The following CTNNA2 variants were observed in gnomAD, a reference collection of about 807,000 sequenced individuals.
CTNNA2 encodes catenin alpha 2.
Under a neutral mutation model 101.0 loss-of-function variants are expected in CTNNA2, and 42 were observed. That is an observed-to-expected ratio of 0.42 (90% CI 0.32 to 0.54). The LOEUF (loss-of-function observed/expected upper bound fraction) is 0.54, where lower values mean the gene tolerates loss of function less well. Ranked by LOEUF, CTNNA2 falls within the 20% of genes least tolerant of loss-of-function variation. CTNNA2 has a pLI of 0.14. For synonymous variants in CTNNA2, 450 were observed against 456.4 expected (o/e 0.99, Z 0.18); for missense variants, 871 against 1,223.1 (o/e 0.71, Z 4.29).
intron 7 of CTNNA2, among the ~76,000 whole-genome samples, chr2:80,004,093 T>C (rs547481666): frequency 1.2e-4 from 19 of 152,272 alleles, no homozygotes; most frequent in African/African-American, 4.6e-4. Context: ...AAATAGAGGC[T>C]AAAATTTTTT....
chr2:79,416,257 CTTTT>C (rs66830925), intron 4 of CTNNA2, among the ~76,000 whole-genome samples: 3 of 94,656 alleles, frequency 3.2e-5, no homozygotes, highest in Non-Finnish European at 4.2e-5. Flanking sequence ...CTTTCCTTTT[CTTTT>C]TTTTTTTTTT....
intron 2 of CTNNA2, among the ~76,000 whole-genome samples, chr2:79,738,392 G>T (rs1671047032): frequency 6.6e-6 from 1 of 152,224 alleles, no homozygotes; most frequent in Non-Finnish European, 1.5e-5. Context: ...TAGGAAGTCT[G>T]CAGAGAGGAG....
intron 4 of CTNNA2, among the ~76,000 whole-genome samples, chr2:79,416,678 G>C (rs1266446017): frequency 2.0e-5 from 3 of 151,858 alleles, no homozygotes; most frequent in Non-Finnish European, 4.4e-5. Flanking sequence ...ATAAACACCT[G>C]GGTTAACAGT....
At chr2:79,808,803 A>G (rs1160153608) in intron 3 of CTNNA2, among the ~76,000 whole-genome samples, 2 of 141,236 alleles carry the variant, frequency 1.4e-5, no homozygotes, top group Admixed American at 7.0e-5. Context: ...TTTTTTTTTT[A>G]TTATACTTTA....
chr2:79,583,813 G>T (rs1309295270), intron 1 of CTNNA2, among the ~76,000 whole-genome samples: 1 of 151,948 alleles, frequency 6.6e-6, no homozygotes, highest in Non-Finnish European at 1.5e-5. Flanking sequence ...CTTGCTTTTC[G>T]TAGACCTTTT....
intron 3 of CTNNA2, among the ~76,000 whole-genome samples, chr2:79,855,856 T>C (rs1409143102): frequency 1.3e-5 from 2 of 152,244 alleles, no homozygotes; most frequent in Non-Finnish European, 2.9e-5. Flanking sequence ...CTTTTGTCAA[T>C]AGTTTGTTGG....
chr2:80,339,663 TG>T lies in CTNNA2; in HGVS notation c.1057-53546del, dbSNP rs553791872. 2.0e-3 allele frequency among the ~76,000 whole-genome samples: 298 copies of T among 152,278 alleles called. 1 individual carries two copies. The highest frequency in any genetic ancestry group is 6.9e-3 in the African/African-American group (286 of 41,558). On this transcript the variant is annotated intron_variant, in intron 7 of 18. Transcript: ENST00000402739. ...ATACCTACCATGGGTTTGGTGCTAC[TG>T]GAGACTCAAAAGAAGAGTAAGGCAA...
At chr2:80,493,380 C>T (rs2149520628) in intron 9 of CTNNA2, among the ~76,000 whole-genome samples, 1 of 152,212 alleles carries the variant, frequency 6.6e-6, no homozygotes, top group Middle Eastern at 3.4e-3. Context: ...TAAATACAAC[C>T]CAGGGTACCC....
intron 15 of CTNNA2, 78 bp downstream of exon 15, chr2:80,589,563 C>T (rs1233741978): frequency 7.2e-7 from 1 of 1,391,350 alleles, no homozygotes; most frequent in Admixed American, 2.4e-5. Flanking sequence ...CATGTGAAAG[C>T]CTGCTGAAAA....
chr2:79,194,072 T>A (rs1673926563), intron 1 of CTNNA2, among the ~76,000 whole-genome samples: 1 of 152,240 alleles, frequency 6.6e-6, no homozygotes, highest in South Asian at 2.1e-4. Context: ...TGGATTTGGA[T>A]GTTATGTATT....
At position 79,850,688 on chromosome 2, in the gene CTNNA2, C is replaced by A. The variant is rs867853611; in HGVS notation, c.299-7325C>A. 3.3e-5 allele frequency among the ~76,000 whole-genome samples: 5 copies of A among 152,154 alleles called. No individual in the cohort carries two copies. In the South Asian group the frequency reaches 1.0e-3, roughly 32 times the overall value. The stretch of plus-strand genomic sequence containing the variant: ...CACTTACCATCTGTTTGACCTTGGG[C>A]AAATAACCTTAATAATCTTTCTTTT... On this transcript the variant is annotated intron_variant, in intron 3 of 18. Coordinates refer to ENST00000402739, the MANE Select transcript of CTNNA2 (RefSeq NM_001282597.3).
intron 1 of CTNNA2, among the ~76,000 whole-genome samples, chr2:79,571,371 T>C (rs1428715575): frequency 6.6e-6 from 1 of 152,156 alleles, no homozygotes; most frequent in Non-Finnish European, 1.5e-5. Flanking sequence ...TTCTGAGATA[T>C]GAATCCCCTT....
chr2:80,387,161 C>T (rs1677089428), intron 7 of CTNNA2, among the ~76,000 whole-genome samples: 1 of 151,996 alleles, frequency 6.6e-6, no homozygotes, highest in South Asian at 2.1e-4. Flanking sequence ...TGGTGGCGGG[C>T]ACCTGTAGTC....
intron 7 of CTNNA2, among the ~76,000 whole-genome samples, chr2:80,290,954 TAGTATA>T (rs2149178796): frequency 6.6e-6 from 1 of 152,348 alleles, no homozygotes; most frequent in Non-Finnish European, 1.5e-5. Context: ...CATTCCCTGC[TAGTATA>T]GATTCAAGTA....
In CTNNA2 at chr2:80,545,951, A is replaced by T. The variant is rs1480619460; in HGVS notation, c.1428A>T (p.Lys476Asn). 1 of 1,614,022 alleles carries T rather than the reference A, an allele frequency of 6.2e-7. No homozygotes were observed. The highest frequency in any genetic ancestry group is 2.2e-5 in the East Asian group (1 of 44,860). ...ALTLAARPQS[K>N]VAQDNMDVFK... is the part of the protein sequence containing the mutation. ...CACTGGCTGCCCGGCCACAGAGCAA[A>T]GTTGCTCAGGATAACATGGACGTCT... The change falls in exon 11 of 19, where the codon AAA becomes AAT. Residue 476 changes from lysine to asparagine, a missense_variant. By Grantham distance (94) the Lys-to-Asn change is moderately conservative. This residue lies in a region of CTNNA2 where 647 missense variants were observed against 831.5 expected (regional missense o/e 0.78). Transcript: ENST00000402739.
chr2:80,511,750 G>C (rs1344768274), intron 9 of CTNNA2, among the ~76,000 whole-genome samples: 2 of 152,136 alleles, frequency 1.3e-5, no homozygotes, highest in Non-Finnish European at 1.5e-5. Flanking sequence ...AAATTTAATA[G>C]TGATAGGATA....
At chr2:79,290,452 T>G (rs1221985601) in intron 2 of CTNNA2, among the ~76,000 whole-genome samples, 1 of 152,030 alleles carries the variant, frequency 6.6e-6, no homozygotes, top group Non-Finnish European at 1.5e-5. Flanking sequence ...GGACGGGCAC[T>G]CCTGCCTTTG....
chr2:79,609,068 T>C (rs1422404430), intron 1 of CTNNA2, among the ~76,000 whole-genome samples: 1 of 151,986 alleles, frequency 6.6e-6, no homozygotes, highest in Non-Finnish European at 1.5e-5. Flanking sequence ...AAAATTGATA[T>C]TTAAAAATTA....
chr2:80,171,495 A>T (rs946650942), intron 7 of CTNNA2, among the ~76,000 whole-genome samples: 7 of 152,218 alleles, frequency 4.6e-5, no homozygotes, highest in African/African-American at 1.4e-4. Context: ...AGATACTGTA[A>T]CAAAGAAGCC....
Sources: gnomAD v4.1 joint callset for allele counts (sites outside exome capture counted in the v4.1 genomes callset) on GRCh38, gnomAD v4.1.1 for gene constraint, gnomAD v4.1.1 regional missense constraint, MANE v1.5 for transcripts, NCBI Gene and HGNC (gene_info 2026-07-23, HGNC 2026-07-21) for gene names.